The following STPG2 variants were observed in gnomAD, a reference collection of about 807,000 sequenced individuals.
STPG2 encodes sperm tail PG-rich repeat containing 2, also known as sperm-tail PG-rich repeat-containing protein 2.
Under a neutral mutation model 54.2 loss-of-function variants are expected in STPG2, and 56 were observed. The observed-to-expected ratio is 1.03, with a 90% CI of 0.83 to 1.29. The LOEUF is 1.29. Ranked by LOEUF, STPG2 falls within the 50% of genes most tolerant of loss-of-function variation. The pLI is 0.00. For missense variants in STPG2, 596 were observed against 544.9 expected, an observed-to-expected ratio of 1.09 and a Z score of -0.93; for synonymous variants, 200 against 181.8, an observed-to-expected ratio of 1.10 and a Z score of -0.81.
intron 7 of STPG2, among the ~76,000 whole-genome samples, chr4:97,971,881 A>C (rs985325170): frequency 6.6e-6 from 1 of 152,208 alleles, no homozygotes; most frequent in African/African-American, 2.4e-5. Context: ...TCCATATTAG[A>C]AAGCTTTCCA....
At chr4:97,661,631 C>T (rs137949857) in intron 10 of STPG2, among the ~76,000 whole-genome samples, 2 of 152,032 alleles carry the variant, frequency 1.3e-5, no homozygotes, top group East Asian at 1.9e-4. Flanking sequence ...ATTCTCTATA[C>T]TCCTTATAAT....
At chr4:98,089,514 C>A (rs1445917855) in intron 5 of STPG2, among the ~76,000 whole-genome samples, 4 of 151,818 alleles carry the variant, frequency 2.6e-5, no homozygotes, top group African/African-American at 7.3e-5. Context: ...TAAAAACATG[C>A]ATGTGCATGT....
intron 4 of STPG2, among the ~76,000 whole-genome samples, chr4:97,536,726 T>C (rs1731540498): frequency 1.3e-5 from 2 of 152,158 alleles, no homozygotes; most frequent in African/African-American, 2.4e-5. Context: ...GGAAGAGGCC[T>C]GTGGATGAAT....
intron 3 of STPG2, among the ~76,000 whole-genome samples, chr4:98,118,208 T>G (rs1010819436): frequency 2.0e-5 from 3 of 152,094 alleles, no homozygotes; most frequent in African/African-American, 7.2e-5. Context: ...ATCTCCAACC[T>G]TTGCCAAGGC....
intron 9 of STPG2, among the ~76,000 whole-genome samples, chr4:97,742,981 T>A (rs1208914339): frequency 6.6e-6 from 1 of 151,762 alleles, no homozygotes; most frequent in Admixed American, 6.6e-5. Context: ...ATCATTTCAC[T>A]ATGTATATGC....
At chr4:97,447,876 C>T (rs1729266161) in intron 4 of STPG2, among the ~76,000 whole-genome samples, 1 of 152,106 alleles carries the variant, frequency 6.6e-6, no homozygotes, top group Admixed American at 6.5e-5. Context: ...AGAAAGCCAC[C>T]CTTATCCAGA....
At chr4:97,899,490 C>A (rs1023382464) in intron 8 of STPG2, among the ~76,000 whole-genome samples, 5 of 151,760 alleles carry the variant, frequency 3.3e-5, no homozygotes, top group African/African-American at 1.2e-4. Flanking sequence ...TCACATGAAA[C>A]CAAAAAAGAA....
chr4:97,660,772 A>G (rs1481835011), intron 10 of STPG2, among the ~76,000 whole-genome samples: 6 of 152,228 alleles, frequency 3.9e-5, no homozygotes, highest in African/African-American at 1.4e-4. Context: ...TCCCAGTTTT[A>G]TAGACAACGA....
intron 8 of STPG2, among the ~76,000 whole-genome samples, chr4:97,912,080 A>T (rs1731702320): frequency 6.6e-6 from 1 of 152,020 alleles, no homozygotes. Context: ...ACCCCCCAAA[A>T]CACGCGGCAG....
intron 4 of STPG2, among the ~76,000 whole-genome samples, chr4:97,459,635 G>T (rs985777024): frequency 6.6e-6 from 1 of 151,894 alleles, no homozygotes; most frequent in Admixed American, 6.6e-5. Flanking sequence ...TAGAGACAGG[G>T]TTTCACCATG....
chr4:98,067,852 A>G (rs1737880397), intron 5 of STPG2, among the ~76,000 whole-genome samples: 2 of 152,148 alleles, frequency 1.3e-5, no homozygotes, highest in African/African-American at 4.8e-5. Flanking sequence ...TATAAAAAAG[A>G]ACCCTCTCAT....
chr4:98,118,005 A>G (rs1363393196), intron 3 of STPG2, among the ~76,000 whole-genome samples: 1 of 152,040 alleles, frequency 6.6e-6, no homozygotes, highest in Non-Finnish European at 1.5e-5. Flanking sequence ...TTCTTTGCTG[A>G]AACCAGATAT....
At chr4:97,560,733 A>G (rs1449482541) in intron 10 of STPG2, among the ~76,000 whole-genome samples, 1 of 152,212 alleles carries the variant, frequency 6.6e-6, no homozygotes, top group Admixed American at 6.5e-5. Context: ...TTGTTTCGAA[A>G]GAGCCAGTAC....
intron 10 of STPG2, among the ~76,000 whole-genome samples, chr4:97,706,747 C>A (rs1044330561): frequency 1.3e-5 from 2 of 152,012 alleles, no homozygotes; most frequent in Admixed American, 1.3e-4. Flanking sequence ...CAGGATTGGG[C>A]AAAAGATTTA....
At chr4:97,483,784 G>C (rs1730284052) in intron 4 of STPG2, among the ~76,000 whole-genome samples, 2 of 151,534 alleles carry the variant, frequency 1.3e-5, no homozygotes, top group Admixed American at 6.6e-5. Context: ...TTGTATTCAA[G>C]AGCACATGGA....
intron 8 of STPG2, among the ~76,000 whole-genome samples, chr4:97,934,387 C>T (rs897690790): frequency 6.6e-6 from 1 of 152,164 alleles, no homozygotes; most frequent in Non-Finnish European, 1.5e-5. Context: ...GCCAGAACTT[C>T]AAATACTATG....
rs1289715038 is a variant in STPG2, at chr4:97,735,748, T to TTA, written c.1205-22936_1205-22935dup. 4.6e-5 allele frequency among the ~76,000 whole-genome samples: 7 copies of TTA among 151,892 alleles called. No homozygotes were observed. The East Asian group carries it at 7.7e-4, about 17-fold the overall frequency. ...AATATATAGGGATACGTGTATATCCTTATATATATGTGTGTCTGTGTGTGT... is the reference window on the plus strand; with the variant it reads ...AATATATAGGGATACGTGTATATCCTTATATATATATGTGTGTCTGTGTGTGT... On this transcript the variant is annotated intron_variant, in intron 9 of 10. Coordinates refer to ENST00000295268, the MANE Select transcript of STPG2 (RefSeq NM_174952.3).
intron 10 of STPG2, among the ~76,000 whole-genome samples, chr4:97,696,312 T>C (rs1238556833): frequency 2.6e-5 from 4 of 152,164 alleles, no homozygotes; most frequent in African/African-American, 9.6e-5. Context: ...CTGTAATAAA[T>C]TGGCAAGTCA....
intron 10 of STPG2, among the ~76,000 whole-genome samples, chr4:97,626,640 T>TTTTGTAAATATATGTAG (rs1249154766): frequency 1.6e-4 from 24 of 152,168 alleles, no homozygotes; most frequent in Non-Finnish European, 2.9e-4. Flanking sequence ...GTAGATATTT[T>TTTTGTAAATATATGTAG]AACCAAATAT....
Sources: gnomAD v4.1 joint callset for allele counts (sites outside exome capture counted in the v4.1 genomes callset) on GRCh38, gnomAD v4.1.1 for gene constraint, MANE v1.5 for transcripts, NCBI Gene and HGNC (gene_info 2026-07-23, HGNC 2026-07-21) for gene names.